Variants in GABPB1 observed in about 807,000 individuals in gnomAD.
GABPB1 encodes the protein GA-binding protein subunit beta-1.
A neutral mutation model predicts 45.9 loss-of-function variants in GABPB1; 15 were observed. The ratio of observed to expected loss-of-function variants is 0.33; its 90% CI spans 0.22 to 0.50. The LOEUF is 0.50. Ranked by LOEUF, GABPB1 falls within the 20% of genes least tolerant of loss-of-function variation. GABPB1 has a pLI of 0.98. For missense variants in GABPB1, 252 were observed against 457.5 expected (o/e 0.55, Z 4.10); for synonymous variants, 143 against 154.4 (o/e 0.93, Z 0.55).
At chr15:50,348,019 G>T (rs957933704) in intron 1 of GABPB1, among the ~76,000 whole-genome samples, 2 of 133,260 alleles carry the variant, frequency 1.5e-5, no homozygotes, top group Admixed American at 8.6e-5. Flanking sequence ...CTCCAGCCTG[G>T]GTGACAGAGT....
chr15:50,333,289 C>T lies in GABPB1; in HGVS notation c.-1+21696G>A, dbSNP rs374737793. 7.9e-5 allele frequency among the ~76,000 whole-genome samples: 12 copies of T among 152,266 alleles called. No homozygotes were observed. In the East Asian group the frequency reaches 1.4e-3, roughly 17 times the overall value. ...GAGCCTGAGCAACACAGCGAGACCT[C>T]GTCTCTACAAATAATTTTAAAAATT... On this transcript the variant is annotated intron_variant, in intron 1 of 8. Coordinates refer to ENST00000380877, the MANE Select transcript of GABPB1 (RefSeq NM_016654.5).
chr15:50,279,184 T>C (rs1430107147), intron 8 of GABPB1, among the ~76,000 whole-genome samples: 3 of 152,220 alleles, frequency 2.0e-5, no homozygotes, highest in African/African-American at 7.2e-5. Flanking sequence ...AAAACAATTT[T>C]ACTGAGCACC....
chr15:50,299,262 TG>T (rs1232190062), intron 6 of GABPB1, among the ~76,000 whole-genome samples: 3 of 152,260 alleles, frequency 2.0e-5, no homozygotes, highest in African/African-American at 7.2e-5. Flanking sequence ...AATATTTTCT[TG>T]GAATTTAAAA....
rs1279107064 is a variant in GABPB1, at chr15:50,325,903, G to GT, written c.1-16106dup. On this transcript the variant is annotated intron_variant, in intron 1 of 8. Coordinates refer to ENST00000380877, the MANE Select transcript of GABPB1 (RefSeq NM_016654.5). Reference sequence around the variant, plus strand: ...TAACATTTTAAAATAAGATATAAGGGTTTTTTTTGTTTTTTTTTTTTTAAG... The same window carrying GT: ...TAACATTTTAAAATAAGATATAAGGGTTTTTTTTTGTTTTTTTTTTTTTAAG... Among the ~76,000 whole-genome samples the GT allele has an allele frequency of 3.6e-5, 4 of 110,284 alleles. No homozygotes were observed. The South Asian group carries it at 8.8e-4, about 24-fold the overall frequency. The allele number at this position is 110,284 out of a possible 152,430, so 72.4% of individuals were successfully genotyped here.
chr15:50,333,746 T>C (rs1389393521), intron 1 of GABPB1, among the ~76,000 whole-genome samples: 1 of 152,124 alleles, frequency 6.6e-6, no homozygotes, highest in Non-Finnish European at 1.5e-5. Flanking sequence ...AAAAGTCATC[T>C]AGCCAGGCGT....
intron 1 of GABPB1, among the ~76,000 whole-genome samples, chr15:50,346,736 T>C (rs115951882): frequency 0.02 from 3,007 of 151,852 alleles, 103 homozygotes; most frequent in African/African-American, 0.07. Context: ...TCTAGACATC[T>C]GTCTTTTTGC....
chr15:50,295,368 T>C (rs1475668048), intron 6 of GABPB1, among the ~76,000 whole-genome samples: 1 of 152,196 alleles, frequency 6.6e-6, no homozygotes, highest in Non-Finnish European at 1.5e-5. Flanking sequence ...CCCTAAAAAG[T>C]CAAGCTCTTT....
At chr15:50,295,204 G>A (rs1330268933) in intron 6 of GABPB1, among the ~76,000 whole-genome samples, 3 of 152,044 alleles carry the variant, frequency 2.0e-5, no homozygotes, top group Non-Finnish European at 2.9e-5. Flanking sequence ...ACTCTTCCCT[G>A]GTTGACTGCA....
intron 1 of GABPB1, among the ~76,000 whole-genome samples, chr15:50,315,179 T>G (rs2047273615): frequency 6.6e-6 from 1 of 152,236 alleles, no homozygotes; most frequent in South Asian, 2.1e-4. Flanking sequence ...TAGCCCAGGC[T>G]GGAGTACAGC....
intron 1 of GABPB1, among the ~76,000 whole-genome samples, chr15:50,325,285 AG>A (rs1187415599): frequency 1.4e-5 from 2 of 146,908 alleles, no homozygotes; most frequent in Non-Finnish European, 3.0e-5. Context: ...GAGGGCACTA[AG>A]GCAATATGAT....
chr15:50,292,958 C>T (rs2046399400), intron 6 of GABPB1, among the ~76,000 whole-genome samples: 1 of 150,432 alleles, frequency 6.6e-6, no homozygotes, highest in African/African-American at 2.5e-5. Context: ...GTTCATCCTC[C>T]AATTTTTCTG....
At chr15:50,331,573 G>A (rs2047949136) in intron 1 of GABPB1, among the ~76,000 whole-genome samples, 1 of 152,180 alleles carries the variant, frequency 6.6e-6, no homozygotes, top group Non-Finnish European at 1.5e-5. Flanking sequence ...TAGAAAGAGT[G>A]AATTTTATTG....
At chr15:50,321,143 G>A (rs2047556120) in intron 1 of GABPB1, among the ~76,000 whole-genome samples, 1 of 152,132 alleles carries the variant, frequency 6.6e-6, no homozygotes, top group African/African-American at 2.4e-5. Flanking sequence ...TACAAATAGT[G>A]CTGCAATACA....
intron 1 of GABPB1, among the ~76,000 whole-genome samples, chr15:50,320,365 G>A (rs771417014): frequency 2.6e-5 from 4 of 152,012 alleles, no homozygotes; most frequent in East Asian, 3.9e-4. Context: ...ATGGGGTTTC[G>A]GCATTTTGGT....
intron 1 of GABPB1, among the ~76,000 whole-genome samples, chr15:50,336,123 G>C (rs1445938029): frequency 1.3e-5 from 2 of 151,890 alleles, no homozygotes; most frequent in Non-Finnish European, 2.9e-5. Flanking sequence ...GGCCAAGGCA[G>C]GTGGATCACC....
At chr15:50,319,695 G>A (rs1483093473) in intron 1 of GABPB1, among the ~76,000 whole-genome samples, 2 of 152,036 alleles carry the variant, frequency 1.3e-5, no homozygotes, top group Non-Finnish European at 2.9e-5. Context: ...AAATTATCTA[G>A]GCATAGTGGC....
At chr15:50,286,672 CAT>C (rs1166920157) in intron 7 of GABPB1, among the ~76,000 whole-genome samples, 1 of 152,082 alleles carries the variant, frequency 6.6e-6, no homozygotes, top group Non-Finnish European at 1.5e-5. Context: ...TACATCACTA[CAT>C]AGAGAGCTTC....
chr15:50,276,602 G>T lies in GABPB1; in HGVS notation c.*2030C>A, dbSNP rs1022175746. 6.6e-6 allele frequency: 1 copy of T among 152,248 alleles called. No homozygotes were observed. Among genetic ancestry groups the T allele is most frequent in the African/African-American group, 2.4e-5 (1 of 41,466 alleles). The allele number at this position is 152,248 out of a possible 1,614,324, so 9.4% of individuals were successfully genotyped here. A position where few individuals can be genotyped will look rare whatever the true frequency, so the allele number is the denominator to read the frequency against. On this transcript the variant is annotated 3_prime_UTR_variant, in exon 9 of 9. Transcript: ENST00000380877. ...CTTGCACCAGGTAAAGTCTCCAGCA[G>T]GAGAGGAGACTGGAAGTCAAAGACG...
intron 1 of GABPB1, among the ~76,000 whole-genome samples, chr15:50,327,954 C>T (rs1363927632): frequency 6.6e-6 from 1 of 151,620 alleles, no homozygotes; most frequent in Non-Finnish European, 1.5e-5. Flanking sequence ...CTGCTAGCTA[C>T]CCTATCTTGG....
Sources: gnomAD v4.1 joint callset for allele counts (sites outside exome capture counted in the v4.1 genomes callset) on GRCh38, gnomAD v4.1.1 for gene constraint, MANE v1.5 for transcripts, NCBI Gene and HGNC (gene_info 2026-07-23, HGNC 2026-07-21) for gene names.